SDK2: variants seen among roughly 807,000 people sequenced by gnomAD.
The protein encoded by SDK2 is sidekick cell adhesion molecule 2.
A neutral mutation model predicts 253.9 loss-of-function variants in SDK2; 105 were observed. That is an observed-to-expected ratio of 0.41 (90% CI 0.35 to 0.49). SDK2 has a LOEUF of 0.49. Ranked by LOEUF, SDK2 falls within the 20% of genes least tolerant of loss-of-function variation. SDK2 has a pLI of 0.06. For missense variants in SDK2, 2,608 were observed against 3,003.0 expected, an observed-to-expected ratio of 0.87 and a Z score of 3.07; for synonymous variants, 1,249 against 1,234.9, an observed-to-expected ratio of 1.01 and a Z score of -0.24.
In SDK2 at chr17:73,447,888, C is replaced by G; in HGVS notation, c.480-140G>C. The stretch of plus-strand genomic sequence containing the variant: ...CCCAGGGCCCCTCCTGCCACCCCCT[C>G]CCCAACCTCTTACTGCCTACATCCC... On this transcript the variant is annotated intron_variant, in intron 4 of 44. Transcript: ENST00000392650. The surrounding 1 kb of genome is among the most constrained non-coding windows in gnomAD (Gnocchi z 4.0). 1.1e-6 allele frequency: 1 copy of G among 918,396 alleles called. No homozygotes were observed. Among genetic ancestry groups the G allele is most frequent in the Admixed American group, 2.4e-5 (1 of 41,678 alleles). The allele number at this position is 918,396 out of a possible 1,614,324, so 56.9% of individuals were successfully genotyped here.
At chr17:73,436,334 T>G (rs1314888470) in intron 8 of SDK2, among the ~76,000 whole-genome samples, 1 of 152,090 alleles carries the variant, frequency 6.6e-6, no homozygotes, top group Non-Finnish European at 1.5e-5. Context: ...CCCAGCACTT[T>G]GGGAGGCTGA....
At chr17:73,603,064 T>C (rs2143070238) in intron 1 of SDK2, among the ~76,000 whole-genome samples, 1 of 152,258 alleles carries the variant, frequency 6.6e-6, no homozygotes, top group East Asian at 1.9e-4. Flanking sequence ...GATCATTCTT[T>C]GGTGGAGGAT....
intron 1 of SDK2, among the ~76,000 whole-genome samples, chr17:73,637,653 G>A (rs934647118): frequency 6.6e-6 from 1 of 152,252 alleles, no homozygotes; most frequent in African/African-American, 2.4e-5. Flanking sequence ...GGGATTACAG[G>A]CATGAGCCAC....
At chr17:73,633,648 C>T (rs1174914919) in intron 1 of SDK2, among the ~76,000 whole-genome samples, 3 of 152,178 alleles carry the variant, frequency 2.0e-5, no homozygotes, top group Non-Finnish European at 4.4e-5. Flanking sequence ...AAATAATTTA[C>T]GTCTAGTACC....
In SDK2 at chr17:73,467,966, CA is replaced by C. The variant is rs778761366; in HGVS notation, c.331+4145del. ...ACTCCAAGGTGTCCTATTCCTTTGC[CA>C]GGGGCCTTACCCATATGTGCACAGC... On this transcript the variant is annotated intron_variant, in intron 3 of 44. Coordinates refer to ENST00000392650, the MANE Select transcript of SDK2 (RefSeq NM_001144952.2). This position sits in a 1 kb window ranked among gnomAD's most constrained non-coding sequence, Gnocchi z 4.1. 1.1e-4 allele frequency among the ~76,000 whole-genome samples: 16 copies of C among 152,318 alleles called. No individual in the cohort carries two copies. Among genetic ancestry groups the C allele is most frequent in the Non-Finnish European group, 1.9e-4 (13 of 68,032 alleles).
chr17:73,437,716 C>T (rs2063380894), intron 8 of SDK2, 23 bp downstream of exon 8: 2 of 1,600,890 alleles, frequency 1.2e-6, no homozygotes, highest in Non-Finnish European at 1.7e-6. Flanking sequence ...CTTTGTCCCC[C>T]TCCAGCGGTG....
chr17:73,541,233 G>T lies in SDK2; in HGVS notation c.65-33636C>A, dbSNP rs927734597. ...CAGCAGTGAAGGGAGGTGCCCGGGG[G>T]GCTGCAGGGGATGGGCTGCAGTGTG... On this transcript the variant is annotated intron_variant, in intron 1 of 44. Coordinates refer to ENST00000392650, the MANE Select transcript of SDK2 (RefSeq NM_001144952.2). This position sits in a 1 kb window ranked among gnomAD's most constrained non-coding sequence, Gnocchi z 4.3. Among the ~76,000 whole-genome samples, 4 of 152,194 alleles carry T rather than the reference G, an allele frequency of 2.6e-5. No individual in the cohort carries two copies. Among genetic ancestry groups the T allele is most frequent in the African/African-American group, 7.2e-5 (3 of 41,460 alleles).
chr17:73,622,223 G>A (rs2046141715), intron 1 of SDK2, among the ~76,000 whole-genome samples: 1 of 152,178 alleles, frequency 6.6e-6, no homozygotes, highest in Admixed American at 6.5e-5. Context: ...TCTCTATGTT[G>A]AACAGAGAGG....
intron 27 of SDK2, among the ~76,000 whole-genome samples, chr17:73,392,697 A>G (rs1179706867): frequency 6.6e-6 from 1 of 152,068 alleles, no homozygotes; most frequent in East Asian, 1.9e-4. Context: ...AACATATGGT[A>G]TTTGGGCTTC....
In SDK2 at chr17:73,365,327, C is replaced by T. The variant is rs1173558622; in HGVS notation, c.5236G>A (p.Ala1746Thr). Residue 1746 changes from alanine (A) to threonine (T), a missense_variant, in exon 38 of 45, where the codon GCC (alanine) becomes ACC (threonine). Coordinates refer to ENST00000392650, the MANE Select transcript of SDK2 (RefSeq NM_001144952.2). ...AGGATGCCATTGGGGAACTGCGGGG[C>T]TTCCCAGGACACATTCACTGAGGTT... Reference protein sequence around the residue: ...TTTSVNVSWEAPQFPNGILEG... With the variant: ...TTTSVNVSWETPQFPNGILEG... The T allele has an allele frequency of 6.2e-7, 1 of 1,612,790 alleles. No homozygotes were observed. The highest frequency in any genetic ancestry group is 8.5e-7 in the Non-Finnish European group (1 of 1,179,402).
chr17:73,575,995 A>T (rs976381590), intron 1 of SDK2, among the ~76,000 whole-genome samples: 5 of 152,224 alleles, frequency 3.3e-5, no homozygotes, highest in Non-Finnish European at 7.3e-5. Context: ...GTGGGGGATG[A>T]CTTCAGCAAA....
intron 30 of SDK2, 23 bp from the exon 31 acceptor site, chr17:73,386,571 A>C: frequency 6.6e-7 from 1 of 1,506,946 alleles, no homozygotes; most frequent in Non-Finnish European, 9.0e-7. Context: ...ATCAGGGCCA[A>C]TGAGCCAAGG....
At chr17:73,492,735 T>G (rs946020417) in intron 2 of SDK2, among the ~76,000 whole-genome samples, 3 of 152,136 alleles carry the variant, frequency 2.0e-5, no homozygotes, top group African/African-American at 7.2e-5. Flanking sequence ...AATGGCCCAC[T>G]GCAGATATTC....
At chr17:73,389,655 C>A (rs998089463) in intron 29 of SDK2, among the ~76,000 whole-genome samples, 1 of 152,200 alleles carries the variant, frequency 6.6e-6, no homozygotes, top group Non-Finnish European at 1.5e-5. Flanking sequence ...GCAGCCGGGG[C>A]TCCAGGCTGC....
In SDK2 at chr17:73,379,550, C is replaced by T. The variant is rs1465211167; in HGVS notation, c.4763-1G>A. ...TCGTACCGCCTGTGCTTGTTCAGGT[C>T]TGTGGGGGAGAGTGGGGGAGGGGAA... On this transcript the variant is annotated splice_acceptor_variant, in intron 34 of 44. Coordinates refer to ENST00000392650, the MANE Select transcript of SDK2 (RefSeq NM_001144952.2). LOFTEE classifies it high-confidence loss of function. The surrounding 1 kb of genome is among the most constrained non-coding windows in gnomAD (Gnocchi z 4.5). 1.2e-6 allele frequency: 2 copies of T among 1,603,176 alleles called. No homozygotes were observed. The highest frequency in any genetic ancestry group is 1.7e-5 in the Admixed American group (1 of 59,388).
At chr17:73,466,720 C>CCG (rs1368510349) in intron 3 of SDK2, among the ~76,000 whole-genome samples, 1 of 146,408 alleles carries the variant, frequency 6.8e-6, no homozygotes, top group African/African-American at 2.5e-5. Context: ...GGAACGCCCC[C>CCG]CCCCCCCGGC....
chr17:73,440,750 C>A, intron 6 of SDK2, 62 bp downstream of exon 6: 1 of 1,254,638 alleles, frequency 8.0e-7, no homozygotes, highest in Non-Finnish European at 1.1e-6. Flanking sequence ...CCCTGGAGCC[C>A]GCAGTTTGGG....
chr17:73,636,306 C>A (rs1194881878), intron 1 of SDK2, among the ~76,000 whole-genome samples: 1 of 152,032 alleles, frequency 6.6e-6, no homozygotes, highest in Non-Finnish European at 1.5e-5. Flanking sequence ...ATGCACCTTG[C>A]CATGTCTGAC....
intron 3 of SDK2, among the ~76,000 whole-genome samples, chr17:73,471,052 C>G (rs1358138293): frequency 6.6e-6 from 1 of 152,150 alleles, no homozygotes; most frequent in East Asian, 1.9e-4. Flanking sequence ...AGCTGTCTTC[C>G]CTTCCTCTTC....
Sources: gnomAD v4.1 joint callset for allele counts (sites outside exome capture counted in the v4.1 genomes callset) on GRCh38, gnomAD v4.1.1 for gene constraint, Gnocchi (gnomAD v3.1) non-coding constraint, MANE v1.5 for transcripts, NCBI Gene and HGNC (gene_info 2026-07-23, HGNC 2026-07-21) for gene names.